The following LRRC7 variants were observed in gnomAD, a reference collection of about 807,000 sequenced individuals.
LRRC7 encodes the protein leucine rich repeat containing 7.
A neutral mutation model predicts 175.7 loss-of-function variants in LRRC7; 23 were observed. The ratio of observed to expected loss-of-function variants is 0.13; its 90% CI spans 0.09 to 0.19. The LOEUF is 0.19. LRRC7 is among the 10% of genes least tolerant of loss of function. The pLI is 1.00. For missense variants in LRRC7, 1,354 were observed against 1,904.7 expected (o/e 0.71, Z 5.38); for synonymous variants, 685 against 680.9 (o/e 1.01, Z -0.09).
chr1:69,806,896 G>A (rs1328227132), intron 4 of LRRC7, among the ~76,000 whole-genome samples: 1 of 151,840 alleles, frequency 6.6e-6, no homozygotes, highest in Non-Finnish European at 1.5e-5. Context: ...AATTGCTTCA[G>A]GCTGATACTC....
intron 25 of LRRC7, among the ~76,000 whole-genome samples, chr1:70,095,530 C>G (rs1398381985): frequency 6.6e-6 from 1 of 152,144 alleles, no homozygotes; most frequent in Non-Finnish European, 1.5e-5. Flanking sequence ...TCACACTCTC[C>G]TACAAATAGT....
intron 1 of LRRC7, among the ~76,000 whole-genome samples, chr1:69,588,653 G>A: frequency 6.6e-6 from 1 of 152,218 alleles, no homozygotes; most frequent in Non-Finnish European, 1.5e-5. Flanking sequence ...TCATCTGTAT[G>A]AAGAAAAATT....
At chr1:69,572,590 A>G (rs1386716711) in intron 1 of LRRC7, among the ~76,000 whole-genome samples, 1 of 152,184 alleles carries the variant, frequency 6.6e-6, no homozygotes, top group African/African-American at 2.4e-5. Flanking sequence ...TTGAATCATT[A>G]GAAATAATTA....
At chr1:70,058,276 CTGGGATT>C (rs1661305760) in intron 23 of LRRC7, among the ~76,000 whole-genome samples, 1 of 152,152 alleles carries the variant, frequency 6.6e-6, no homozygotes, top group Middle Eastern at 3.2e-3. Flanking sequence ...TCCCAAAGTG[CTGGGATT>C]ATAGGCGAGA....
At chr1:69,772,820 G>A (rs1672385462) in intron 3 of LRRC7, among the ~76,000 whole-genome samples, 1 of 152,112 alleles carries the variant, frequency 6.6e-6, no homozygotes, top group South Asian at 2.1e-4. Flanking sequence ...AAGGAAAGAA[G>A]GGTTTTTGAA....
At chr1:69,605,109 T>C (rs1370072704) in intron 1 of LRRC7, among the ~76,000 whole-genome samples, 4 of 152,216 alleles carry the variant, frequency 2.6e-5, no homozygotes, top group Admixed American at 2.6e-4. Context: ...TTCCCACATG[T>C]CAGGGGAGAA....
chr1:69,974,969 T>C (rs974287616), intron 8 of LRRC7, among the ~76,000 whole-genome samples: 2 of 152,192 alleles, frequency 1.3e-5, no homozygotes, highest in Admixed American at 1.3e-4. Flanking sequence ...CAAATTATTC[T>C]CATTTTCCAG....
At chr1:69,985,042 G>A (rs1653807425) in intron 9 of LRRC7, among the ~76,000 whole-genome samples, 1 of 152,112 alleles carries the variant, frequency 6.6e-6, no homozygotes, top group Non-Finnish European at 1.5e-5. Flanking sequence ...CTCTTCTTTT[G>A]ATGAGCAGCA....
chr1:69,959,715 G>C (rs1650851180), intron 8 of LRRC7, among the ~76,000 whole-genome samples: 2 of 152,136 alleles, frequency 1.3e-5, no homozygotes, highest in South Asian at 4.1e-4. Context: ...TATATGCAAA[G>C]TGCTACAGTA....
At position 69,668,711 on chromosome 1, in the gene LRRC7, G is replaced by A. The variant is rs568537416; in HGVS notation, c.3-9670G>A. Reference sequence around the variant, plus strand: ...GTATTTCTGGCTCTAGATCCTTGAGGAATTACCACACTGTCTTCCACAATG... The same window carrying A: ...GTATTTCTGGCTCTAGATCCTTGAGAAATTACCACACTGTCTTCCACAATG... On this transcript the variant is annotated intron_variant, in intron 1 of 26. Coordinates refer to ENST00000651989, the MANE Select transcript of LRRC7 (RefSeq NM_001370785.2). Among the ~76,000 whole-genome samples the A allele has an allele frequency of 6.6e-5, 10 of 152,274 alleles. No homozygotes were observed. The East Asian group carries it at 1.9e-3, about 29-fold the overall frequency.
intron 7 of LRRC7, among the ~76,000 whole-genome samples, chr1:69,901,045 A>G (rs1235125749): frequency 6.6e-6 from 1 of 152,178 alleles, no homozygotes; most frequent in Non-Finnish European, 1.5e-5. Context: ...AGGAATTTAG[A>G]CTTTTTCTTT....
chr1:69,754,338 C>T (rs548349646), intron 2 of LRRC7, among the ~76,000 whole-genome samples: 13 of 151,766 alleles, frequency 8.6e-5, no homozygotes, highest in African/African-American at 2.9e-4. Context: ...TAGGCAGTTG[C>T]GATGAAGAAA....
chr1:69,589,008 T>TGTGTGTGCGC (rs756682853), intron 1 of LRRC7, among the ~76,000 whole-genome samples: 5 of 151,448 alleles, frequency 3.3e-5, no homozygotes, highest in African/African-American at 1.2e-4. Flanking sequence ...TGTGTGTGTG[T>TGTGTGTGCGC]GCGTGCATGT....
Position 69,664,007 on chromosome 1 carries a change from C to T in LRRC7, c.3-14374C>T, listed in dbSNP as rs191245156. ...AAGTGCTGGAATTACAGGCGTGAGC[C>T]ACCGCGCCCGGCCTCGTTTTAATTT... On this transcript the variant is annotated intron_variant, in intron 1 of 26. Transcript: ENST00000651989. 5.3e-5 allele frequency among the ~76,000 whole-genome samples: 8 copies of T among 152,224 alleles called. No individual in the cohort carries two copies. In the East Asian group the frequency reaches 1.5e-3, roughly 29 times the overall value.
intron 7 of LRRC7, among the ~76,000 whole-genome samples, chr1:69,840,530 A>G (rs1465117870): frequency 6.6e-6 from 1 of 152,070 alleles, no homozygotes; most frequent in Non-Finnish European, 1.5e-5. Context: ...TATGCTTAGC[A>G]ATCTGTGCAA....
intron 7 of LRRC7, among the ~76,000 whole-genome samples, chr1:69,912,784 C>T (rs1360555449): frequency 6.6e-6 from 1 of 152,128 alleles, no homozygotes; most frequent in East Asian, 1.9e-4. Context: ...TCTCTTCAGT[C>T]TAATTAAACC....
chr1:69,952,011 A>G (rs1296369590), intron 8 of LRRC7, among the ~76,000 whole-genome samples: 2 of 152,046 alleles, frequency 1.3e-5, no homozygotes, highest in Admixed American at 6.6e-5. Context: ...ACTGAGCTAG[A>G]TAAATATTTG....
chr1:70,088,009 A>G (rs1391047625), intron 24 of LRRC7, among the ~76,000 whole-genome samples: 1 of 152,148 alleles, frequency 6.6e-6, no homozygotes, highest in Non-Finnish European at 1.5e-5. Context: ...ATAAAAATGT[A>G]AAGAGTGTTT....
intron 7 of LRRC7, among the ~76,000 whole-genome samples, chr1:69,848,162 C>A (rs1255720935): frequency 6.6e-6 from 1 of 152,036 alleles, no homozygotes; most frequent in Non-Finnish European, 1.5e-5. Flanking sequence ...TTTTGCAAGG[C>A]AAAGTTTCCA....
Sources: allele counts gnomAD v4.1 joint callset (sites outside exome capture counted in the v4.1 genomes callset), GRCh38; gene constraint gnomAD v4.1.1; transcripts MANE v1.5; gene names NCBI Gene and HGNC (gene_info 2026-07-23, HGNC 2026-07-21).